The following CFAP276 variants were observed in gnomAD, a reference collection of about 807,000 sequenced individuals.
The protein encoded by CFAP276 is cilia- and flagella-associated protein 276.
At chr1:109,108,456 T>G in the CFAP276 span, among the ~76,000 whole-genome samples, 1 of 152,146 alleles carries the variant, frequency 6.6e-6, no homozygotes, top group Non-Finnish European at 1.5e-5. Context: ...TCTAGTTTTA[T>G]TTGAATCTCA....
At chr1:109,112,582 GCAAGAAAC>G in the CFAP276 span, 1 of 1,549,952 alleles carries the variant, frequency 6.5e-7, no homozygotes, top group Non-Finnish European at 8.7e-7. Flanking sequence ...GGGAATCTGC[GCAAGAAAC>G]CACAGTACCT....
chr1:109,113,467 A>AGAGAGGGG, the CFAP276 span, among the ~76,000 whole-genome samples: 1 of 126,320 alleles, frequency 7.9e-6, no homozygotes, highest in Non-Finnish European at 1.7e-5. Context: ...AGAGAGAGAG[A>AGAGAGGGG]GGCCCACGTG....
At chr1:109,109,337 A>G in the CFAP276 span, among the ~76,000 whole-genome samples, 1 of 151,332 alleles carries the variant, frequency 6.6e-6, no homozygotes. Flanking sequence ...AATCTCAGCT[A>G]CTTGGGAGGC....
the CFAP276 span, chr1:109,113,736 C>T: frequency 6.3e-7 from 1 of 1,596,222 alleles, no homozygotes; most frequent in South Asian, 1.1e-5. Flanking sequence ...ATAAAATAAC[C>T]CCTGGCCCGA....
chr1:109,112,908 C>T, the CFAP276 span, among the ~76,000 whole-genome samples: 2 of 131,668 alleles, frequency 1.5e-5, no homozygotes, highest in East Asian at 2.4e-4. Flanking sequence ...GGGAACGTTC[C>T]GCTGAGCGGG....
chr1:109,112,869 C>G, the CFAP276 span: 77 of 920,852 alleles, frequency 8.4e-5, no homozygotes, highest in Non-Finnish European at 1.1e-4. Context: ...ACGGGAGGCC[C>G]CTGGGGAGGA....
At chr1:109,107,725 C>CAAAAAAA in the CFAP276 span, among the ~76,000 whole-genome samples, 16,636 of 142,828 alleles carry the variant, frequency 0.12, 1,329 homozygotes, top group East Asian at 0.41. Flanking sequence ...CTCATCTCTT[C>CAAAAAAA]AAAAAAAAAA....
the CFAP276 span, among the ~76,000 whole-genome samples, chr1:109,108,203 C>T: frequency 6.6e-6 from 1 of 151,904 alleles, no homozygotes; most frequent in Admixed American, 6.6e-5. Context: ...AGTGCAGTGG[C>T]GAGATCTCGG....
At chr1:109,109,328 A>G in the CFAP276 span, among the ~76,000 whole-genome samples, 1 of 151,310 alleles carries the variant, frequency 6.6e-6, no homozygotes, top group Admixed American at 6.6e-5. Flanking sequence ...GGCGCCTGTA[A>G]TCTCAGCTAC....
At chr1:109,113,416 AAGAGAGAGAG>A in the CFAP276 span, among the ~76,000 whole-genome samples, 2,287 of 67,940 alleles carry the variant, frequency 0.034, 99 homozygotes, top group African/African-American at 0.1. Flanking sequence ...GAGAGAGAGA[AAGAGAGAGAG>A]AGAGAGAGAG....
the CFAP276 span, among the ~76,000 whole-genome samples, chr1:109,109,771 A>G: frequency 6.6e-6 from 1 of 152,120 alleles, no homozygotes; most frequent in East Asian, 1.9e-4. Flanking sequence ...TCCTGACCTC[A>G]GGTGATCCAC....
chr1:109,107,190 G>A, the CFAP276 span: 1 of 1,217,192 alleles, frequency 8.2e-7, no homozygotes, highest in Non-Finnish European at 1.2e-6. Flanking sequence ...AGGTTCTATT[G>A]TGCTCTACTC....
At chr1:109,107,497 G>T in the CFAP276 span, among the ~76,000 whole-genome samples, 1 of 152,170 alleles carries the variant, frequency 6.6e-6, no homozygotes, top group African/African-American at 2.4e-5. Flanking sequence ...CTTCCCAGAG[G>T]CCAGATAAAT....
At chr1:109,106,644 G>A in the CFAP276 span, 5 of 1,613,720 alleles carry the variant, frequency 3.1e-6, no homozygotes, top group African/African-American at 4.0e-5. Context: ...ATTCTCCAGG[G>A]AATTGGATCT....
chr1:109,108,768 G>C, the CFAP276 span, among the ~76,000 whole-genome samples: 1 of 152,190 alleles, frequency 6.6e-6, no homozygotes, highest in East Asian at 1.9e-4. Context: ...GCTGAAGCCT[G>C]CAAAATGGAG....
chr1:109,112,067 T>C, the CFAP276 span, among the ~76,000 whole-genome samples: 10 of 152,312 alleles, frequency 6.6e-5, no homozygotes, highest in African/African-American at 2.4e-4. Flanking sequence ...ATTCATCTTA[T>C]TGTGCACCAC....
the CFAP276 span, among the ~76,000 whole-genome samples, chr1:109,109,518 C>G: frequency 6.8e-6 from 1 of 146,562 alleles, no homozygotes; most frequent in Non-Finnish European, 1.5e-5. Context: ...TGGCAAAGTG[C>G]TATGTGAGCC....
the CFAP276 span, among the ~76,000 whole-genome samples, chr1:109,112,355 A>G: frequency 6.6e-6 from 1 of 152,190 alleles, no homozygotes; most frequent in Non-Finnish European, 1.5e-5. Flanking sequence ...CTCACAATTG[A>G]TTTGAGCTGC....
the CFAP276 span, among the ~76,000 whole-genome samples, chr1:109,110,939 G>A: frequency 7.8e-4 from 119 of 152,048 alleles, 2 homozygotes; most frequent in Admixed American, 7.7e-3. Flanking sequence ...TCCTCTCTTG[G>A]GCCCATGTCC....
Sources: gnomAD v4.1 joint callset for allele counts (sites outside exome capture counted in the v4.1 genomes callset) on GRCh38, gnomAD v4.1.1 for gene constraint, MANE v1.5 for transcripts, NCBI Gene and HGNC (gene_info 2026-07-23, HGNC 2026-07-21) for gene names.